The following UROC1 variants were observed in gnomAD, a reference collection of about 807,000 sequenced individuals.
UROC1 encodes the protein urocanate hydratase 1, also known as urocanate hydratase.
In UROC1, 79 loss-of-function variants were observed where a neutral mutation model predicts 89.5. That is an observed-to-expected ratio of 0.88 (90% CI 0.74 to 1.06). UROC1 has a LOEUF of 1.06. Among genes scored for constraint, UROC1 ranks in the 50% least tolerant of loss-of-function variants. The pLI is 0.00. For synonymous variants in UROC1, 361 were observed against 354.8 expected (o/e 1.02, Z -0.20); for missense variants, 885 against 907.8 (o/e 0.97, Z 0.32).
intron 13 of UROC1, among the ~76,000 whole-genome samples, chr3:126,498,934 T>C (rs1269921233): frequency 1.3e-5 from 2 of 152,020 alleles, no homozygotes; most frequent in Non-Finnish European, 2.9e-5. Flanking sequence ...TCCCTAGACC[T>C]GCACCCCCAT....
intron 2 of UROC1, 43 bp from the exon 3 acceptor site, chr3:126,509,721 A>C: frequency 6.5e-7 from 1 of 1,531,754 alleles, no homozygotes; most frequent in Non-Finnish European, 8.9e-7. Context: ...TTCCCGCCAA[A>C]GCACAGCATC....
intron 1 of UROC1, among the ~76,000 whole-genome samples, chr3:126,515,209 G>A (rs997551238): frequency 2.6e-5 from 4 of 152,140 alleles, no homozygotes; most frequent in Admixed American, 2.0e-4. Flanking sequence ...TGTGCAGGCC[G>A]CAGGGCCCTC....
chr3:126,484,958 A>G (rs922650508), intron 18 of UROC1, among the ~76,000 whole-genome samples: 7 of 152,240 alleles, frequency 4.6e-5, no homozygotes, highest in Admixed American at 2.6e-4. Context: ...CCAGAGGGTC[A>G]GAGACCAAGG....
intron 15 of UROC1, 147 bp from the exon 16 acceptor site, chr3:126,492,663 G>T: frequency 1.4e-6 from 1 of 710,568 alleles, no homozygotes. Flanking sequence ...GGACCCCCAG[G>T]GTGCATGGTA....
chr3:126,498,005 T>C, intron 14 of UROC1, 46 bp downstream of exon 14: 1 of 1,613,354 alleles, frequency 6.2e-7, no homozygotes. Context: ...AGGCAGAAGC[T>C]TTGGGGGGGC....
chr3:126,512,257 G>C (rs962009269), intron 1 of UROC1, among the ~76,000 whole-genome samples: 7 of 152,236 alleles, frequency 4.6e-5, no homozygotes, highest in Non-Finnish European at 1.0e-4. Context: ...CCTCAGCAGA[G>C]GAGGAGTTTC....
chr3:126,483,470 T>G lies in UROC1; in HGVS notation c.1791-2A>C. 1 of 1,613,682 alleles carries G rather than the reference T, an allele frequency of 6.2e-7. No homozygotes were observed. Among genetic ancestry groups the G allele is most frequent in the Non-Finnish European group, 8.5e-7 (1 of 1,179,922 alleles). On this transcript the variant is annotated splice_acceptor_variant, in intron 18 of 19. Transcript: ENST00000290868. LOFTEE classifies it high-confidence loss of function. ...AATCCCCCGTTGATCACCTCACCCCTGCAGGAGGCAGAGGAGTTTCCAGTT... is the reference window on the plus strand; with the variant it reads ...AATCCCCCGTTGATCACCTCACCCCGGCAGGAGGCAGAGGAGTTTCCAGTT...
Position 126,492,505 on chromosome 3 carries a change from G to A in UROC1, c.1521C>T (p.Ser507=), listed in dbSNP as rs759369551. ...EAARHRLVVG[S]QARILYSDQK... is the part of the protein sequence containing the mutation. ...GGTCTGAGTACAGGATCCTTGCCTGGGAGCCCACCACCTGAGGAGAGAAGG... is the reference window on the plus strand; with the variant it reads ...GGTCTGAGTACAGGATCCTTGCCTGAGAGCCCACCACCTGAGGAGAGAAGG... Residue 507 remains serine, a synonymous_variant, in exon 16 of 20, where the codon TCC becomes TCT. Coordinates refer to ENST00000290868, the MANE Select transcript of UROC1 (RefSeq NM_144639.3). 196 of 1,612,196 alleles carry A rather than the reference G, an allele frequency of 1.2e-4. No homozygotes were observed. Among genetic ancestry groups the A allele is most frequent in the Admixed American group, 3.8e-4 (23 of 59,986 alleles).
intron 16 of UROC1, 145 bp downstream of exon 16, chr3:126,492,273 C>T: frequency 1.3e-6 from 1 of 775,258 alleles, no homozygotes; most frequent in Non-Finnish European, 2.2e-6. Flanking sequence ...TGCTCCTGAG[C>T]ACTGGGCTGC....
At chr3:126,513,588 C>G (rs1418027134) in intron 1 of UROC1, among the ~76,000 whole-genome samples, 1 of 152,224 alleles carries the variant, frequency 6.6e-6, no homozygotes, top group Non-Finnish European at 1.5e-5. Context: ...AATAACAGTA[C>G]CCACCTCGGA....
At chr3:126,509,797 T>A in intron 2 of UROC1, 119 bp from the exon 3 acceptor site, 1 of 965,288 alleles carries the variant, frequency 1.0e-6, no homozygotes, top group Non-Finnish European at 1.6e-6. Flanking sequence ...CCTGCAGAAC[T>A]AGCTAGGAAC....
intron 15 of UROC1, among the ~76,000 whole-genome samples, chr3:126,493,591 G>T (rs2107537643): frequency 6.6e-6 from 1 of 152,340 alleles, no homozygotes; most frequent in East Asian, 1.9e-4. Flanking sequence ...GTAGAATGGG[G>T]AGTTAGTGTT....
rs562263171 is a variant in UROC1, at chr3:126,485,505, A to G, written c.1791-2037T>C. On this transcript the variant is annotated intron_variant, in intron 18 of 19. Coordinates refer to ENST00000290868, the MANE Select transcript of UROC1 (RefSeq NM_144639.3). ...GGCTACTCAGAGAGGTCCTCGGGGC[A>G]GAGGATCAGCGTCACCAGGAGCTTG... Among the ~76,000 whole-genome samples the G allele has an allele frequency of 5.3e-5, 8 of 152,182 alleles. No homozygotes were observed. In the East Asian group the frequency reaches 1.5e-3, roughly 29 times the overall value.
At chr3:126,505,292 G>A (rs1479263109) in intron 8 of UROC1, among the ~76,000 whole-genome samples, 1 of 152,168 alleles carries the variant, frequency 6.6e-6, no homozygotes, top group Non-Finnish European at 1.5e-5. Context: ...TCACCTCTAT[G>A]GAGGGTGACC....
chr3:126,517,413 C>A (rs556780920), intron 1 of UROC1, among the ~76,000 whole-genome samples, 181 bp downstream of exon 1: 1 of 152,236 alleles, frequency 6.6e-6, no homozygotes, highest in East Asian at 1.9e-4. Flanking sequence ...CACCCAAGGG[C>A]GGCTGCATCC....
At chr3:126,507,321 C>G (rs752392902) in intron 6 of UROC1, among the ~76,000 whole-genome samples, 1 of 150,134 alleles carries the variant, frequency 6.7e-6, no homozygotes, top group Non-Finnish European at 1.5e-5. Flanking sequence ...GTTGAATTCC[C>G]GTCAGTAATA....
rs1426991973 is a variant in UROC1, at chr3:126,499,404, C to G, written c.1249G>C (p.Asp417His). Residue 417 changes from aspartate to histidine, a missense_variant, in exon 13 of 20, where the codon GAT becomes CAT. Asp to His is a moderately conservative substitution (Grantham distance 81). Coordinates refer to ENST00000290868, the MANE Select transcript of UROC1 (RefSeq NM_144639.3). ...FLLEAQRAGA[D>H]VEKKGAGRTE... ...CTGCCAGCACCTTTCTTCTCCACAT[C>G]CGCTCCTGTGGGCAGAGCCCGGACA... The G allele has an allele frequency of 6.2e-7, 1 of 1,612,248 alleles. No homozygotes were observed. The highest frequency in any genetic ancestry group is 8.5e-7 in the Non-Finnish European group (1 of 1,179,464).
intron 3 of UROC1, 68 bp from the exon 4 acceptor site, chr3:126,508,543 A>G: frequency 1.4e-6 from 2 of 1,379,912 alleles, no homozygotes; most frequent in South Asian, 2.4e-5. Context: ...AGACAGGGAG[A>G]GAAAGGGCCC....
intron 19 of UROC1, among the ~76,000 whole-genome samples, 154 bp from the exon 20 acceptor site, chr3:126,482,639 G>T (rs1002003916): frequency 6.6e-6 from 1 of 152,018 alleles, no homozygotes; most frequent in Non-Finnish European, 1.5e-5. Context: ...TCCACCCCCA[G>T]CTTAGGCTCC....
Sources: allele counts gnomAD v4.1 joint callset (sites outside exome capture counted in the v4.1 genomes callset), GRCh38; gene constraint gnomAD v4.1.1; transcripts MANE v1.5; gene names NCBI Gene and HGNC (gene_info 2026-07-23, HGNC 2026-07-21).